ADAMTS3: variants seen among roughly 807,000 people sequenced by gnomAD.
ADAMTS3 encodes ADAM metallopeptidase with thrombospondin type 1 motif 3.
Under a neutral mutation model 129.0 loss-of-function variants are expected in ADAMTS3, and 73 were observed. The ratio of observed to expected loss-of-function variants is 0.57; its 90% CI spans 0.47 to 0.69. The LOEUF (loss-of-function observed/expected upper bound fraction) is 0.69. Ranked by LOEUF, ADAMTS3 falls within the 30% of genes least tolerant of loss-of-function variation. ADAMTS3 has a pLI of 0.00. For missense variants in ADAMTS3, 1,457 were observed against 1,514.5 expected, an observed-to-expected ratio of 0.96 and a Z score of 0.63; for synonymous variants, 477 against 510.8, an observed-to-expected ratio of 0.93 and a Z score of 0.89.
chr4:72,500,462 T>A (rs1419435651), intron 3 of ADAMTS3, among the ~76,000 whole-genome samples: 1 of 152,136 alleles, frequency 6.6e-6, no homozygotes, highest in Non-Finnish European at 1.5e-5. Context: ...TTAAGTGGAG[T>A]TACTTGCTTT....
chr4:72,548,672 G>A lies in ADAMTS3; in HGVS notation c.310C>T (p.Pro104Ser). The A allele has an allele frequency of 5.6e-6, 9 of 1,613,958 alleles. No individual in the cohort carries two copies. The highest frequency in any genetic ancestry group is 2.2e-5 in the East Asian group (1 of 44,874). Reference sequence around the variant, plus strand: ...TCATGCCACTCCACAACAGCCCCAGGAGCTACTAGTTGAGTGTTGGGCTTT... The same window carrying A: ...TCATGCCACTCCACAACAGCCCCAGAAGCTACTAGTTGAGTGTTGGGCTTT... ...RLKPNTQLVA[P>S]GAVVEWHETS... Residue 104 changes from proline (P) to serine (S), a missense_variant, in exon 3 of 22, where the codon CCT becomes TCT. Transcript: ENST00000286657.
rs117703828 is a variant in ADAMTS3 at position 72,418,638 on chromosome 4, G to A, written c.505-3667C>T. On this transcript the variant is annotated intron_variant, in intron 3 of 21. Coordinates refer to ENST00000286657, the MANE Select transcript of ADAMTS3 (RefSeq NM_014243.3). ...CCATTTCCACTTACTGCCACAGATA[G>A]GATACAGTTGCATGGCTCACAGCCA... Among the ~76,000 whole-genome samples, 16 of 152,330 alleles carry A rather than the reference G, an allele frequency of 1.1e-4. No homozygotes were observed. In the East Asian group the frequency reaches 2.9e-3, roughly 28 times the overall value.
chr4:72,418,565 G>A (rs922739), intron 3 of ADAMTS3, among the ~76,000 whole-genome samples: 101,773 of 152,034 alleles, frequency 0.67, 34,705 homozygotes, highest in South Asian at 0.8. Flanking sequence ...CAGTATGAGG[G>A]AGCCCACATG....
intron 3 of ADAMTS3, among the ~76,000 whole-genome samples, chr4:72,494,536 A>C (rs2110017738): frequency 6.6e-6 from 1 of 152,242 alleles, no homozygotes. Flanking sequence ...TTTCCTTAAA[A>C]GAATTATTTT....
chr4:72,507,089 A>G (rs1460833599), intron 3 of ADAMTS3, among the ~76,000 whole-genome samples: 2 of 152,228 alleles, frequency 1.3e-5, no homozygotes, highest in Non-Finnish European at 2.9e-5. Context: ...GCAGTATATA[A>G]AATATGTATG....
At chr4:72,471,150 G>A (rs1025501095) in intron 3 of ADAMTS3, among the ~76,000 whole-genome samples, 23 of 152,074 alleles carry the variant, frequency 1.5e-4, no homozygotes, top group Non-Finnish European at 2.6e-4. Context: ...GCCTTTTCAA[G>A]GAAAACAACT....
intron 3 of ADAMTS3, among the ~76,000 whole-genome samples, chr4:72,489,602 C>T (rs750006701): frequency 3.2e-4 from 49 of 152,014 alleles, no homozygotes; most frequent in African/African-American, 7.7e-4. Flanking sequence ...TAGTCAGAAA[C>T]GGAATAATAA....
At chr4:72,351,023 G>C (rs1470571212) in intron 4 of ADAMTS3, among the ~76,000 whole-genome samples, 1 of 151,896 alleles carries the variant, frequency 6.6e-6, no homozygotes, top group African/African-American at 2.4e-5. Flanking sequence ...GGCTCCACCT[G>C]GGTTCCCCTT....
chr4:72,476,232 A>T (rs1719228359), intron 3 of ADAMTS3, among the ~76,000 whole-genome samples: 1 of 152,050 alleles, frequency 6.6e-6, no homozygotes, highest in South Asian at 2.1e-4. Context: ...ATATCTAGCA[A>T]GACTGACAAA....
chr4:72,341,500 T>G (rs1720136894), intron 4 of ADAMTS3, among the ~76,000 whole-genome samples: 1 of 152,194 alleles, frequency 6.6e-6, no homozygotes, highest in Non-Finnish European at 1.5e-5. Flanking sequence ...CCATTCAACC[T>G]CAAGTCTTTT....
intron 4 of ADAMTS3, among the ~76,000 whole-genome samples, chr4:72,381,300 C>A (rs1456292153): frequency 6.6e-6 from 1 of 152,132 alleles, no homozygotes; most frequent in African/African-American, 2.4e-5. Context: ...CTCCCAGCTT[C>A]CCACTGGTCT....
intron 3 of ADAMTS3, among the ~76,000 whole-genome samples, chr4:72,527,330 C>A (rs2109751793): frequency 6.6e-6 from 1 of 152,216 alleles, no homozygotes; most frequent in South Asian, 2.1e-4. Flanking sequence ...TTTCAAAAAG[C>A]AGCATACCTT....
At chr4:72,352,822 G>A (rs1720478096) in intron 4 of ADAMTS3, among the ~76,000 whole-genome samples, 1 of 151,998 alleles carries the variant, frequency 6.6e-6, no homozygotes, top group South Asian at 2.1e-4. Flanking sequence ...AGACTGAAAA[G>A]TATTGAAATG....
chr4:72,518,772 G>A (rs1491003396), intron 3 of ADAMTS3, among the ~76,000 whole-genome samples: 2 of 150,228 alleles, frequency 1.3e-5, no homozygotes, highest in African/African-American at 2.4e-5. Context: ...GCACACTGAT[G>A]GGTCTTGACT....
intron 3 of ADAMTS3, among the ~76,000 whole-genome samples, chr4:72,447,400 T>C (rs958834733): frequency 6.6e-6 from 1 of 151,800 alleles, no homozygotes; most frequent in African/African-American, 2.4e-5. Context: ...TATTGATAAT[T>C]ATTTAAACAA....
intron 3 of ADAMTS3, among the ~76,000 whole-genome samples, chr4:72,502,151 C>T (rs1309784545): frequency 6.6e-6 from 1 of 152,046 alleles, no homozygotes; most frequent in African/African-American, 2.4e-5. Context: ...GGAGGAGTTC[C>T]TCCTCCTCAA....
At chr4:72,456,121 T>TA (rs1718590532) in intron 3 of ADAMTS3, among the ~76,000 whole-genome samples, 1 of 43,232 alleles carries the variant, frequency 2.3e-5, no homozygotes, top group African/African-American at 9.0e-5. Flanking sequence ...TATATATATT[T>TA]TATATATAGT....
At chr4:72,493,017 AT>A (rs1437491442) in intron 3 of ADAMTS3, among the ~76,000 whole-genome samples, 2 of 151,826 alleles carry the variant, frequency 1.3e-5, no homozygotes, top group Non-Finnish European at 3.0e-5. Context: ...CTTAATGACT[AT>A]TTTGCCAAAT....
intron 3 of ADAMTS3, among the ~76,000 whole-genome samples, chr4:72,433,439 T>C (rs1722744756): frequency 6.6e-6 from 1 of 151,940 alleles, no homozygotes; most frequent in African/African-American, 2.4e-5. Flanking sequence ...TATACCTTGC[T>C]TCAAACTAAG....
Sources: allele counts gnomAD v4.1 joint callset (sites outside exome capture counted in the v4.1 genomes callset), GRCh38; gene constraint gnomAD v4.1.1; transcripts MANE v1.5; gene names NCBI Gene and HGNC (gene_info 2026-07-23, HGNC 2026-07-21).